The following HUNK variants were observed in gnomAD, a reference collection of about 807,000 sequenced individuals.
HUNK encodes hormonally up-regulated Neu-associated kinase, also known as hormonally up-regulated neu tumor-associated kinase.
In HUNK, 21 loss-of-function variants were observed where a neutral mutation model predicts 61.0. That is an observed-to-expected ratio of 0.34 (90% CI 0.24 to 0.50). HUNK has a LOEUF of 0.50. Among genes scored for constraint, HUNK ranks in the 20% least tolerant of loss-of-function variants. The pLI is 0.98. For synonymous variants in HUNK, 371 were observed against 386.1 expected, an observed-to-expected ratio of 0.96 and a Z score of 0.46; for missense variants, 772 against 945.7, an observed-to-expected ratio of 0.82 and a Z score of 2.41.
intron 1 of HUNK, among the ~76,000 whole-genome samples, chr21:31,896,314 A>C (rs2052424723): frequency 6.6e-6 from 1 of 152,182 alleles, no homozygotes; most frequent in Non-Finnish European, 1.5e-5. Context: ...TCATGCCGGG[A>C]AACTTCACCT....
chr21:31,877,838 C>G (rs1428512893), intron 1 of HUNK, among the ~76,000 whole-genome samples: 1 of 152,204 alleles, frequency 6.6e-6, no homozygotes, highest in Admixed American at 6.5e-5. Flanking sequence ...GGCGTGGTCT[C>G]TGGCACATAA....
intron 1 of HUNK, among the ~76,000 whole-genome samples, chr21:31,914,164 T>C (rs1282099821): frequency 6.6e-6 from 1 of 151,936 alleles, no homozygotes; most frequent in Non-Finnish European, 1.5e-5. Context: ...TCCCAGCACT[T>C]TGGGAGGCCA....
intron 1 of HUNK, among the ~76,000 whole-genome samples, chr21:31,875,952 G>A (rs528454486): frequency 1.3e-5 from 2 of 152,292 alleles, no homozygotes; most frequent in South Asian, 2.1e-4. Flanking sequence ...AACTGCCTGG[G>A]GGTGGATTCA....
At chr21:31,915,447 A>G (rs138826138) in intron 1 of HUNK, among the ~76,000 whole-genome samples, 98 of 152,332 alleles carry the variant, frequency 6.4e-4, no homozygotes, top group African/African-American at 2.3e-3. Context: ...ATGGTGTAAA[A>G]GTGCTTTGAT....
chr21:31,998,425 G>A lies in HUNK; in HGVS notation c.1487-101G>A, dbSNP rs192201846. 374 of 1,165,876 alleles carry A rather than the reference G, an allele frequency of 3.2e-4. 1 individual carries two copies. The highest frequency in any genetic ancestry group is 8.2e-4 in the Middle Eastern group (4 of 4,900). 72.2% of individuals were successfully genotyped at this position (1,165,876 alleles called of 1,614,324 possible). A position where few individuals can be genotyped will look rare whatever the true frequency, so the allele number is the denominator to read the frequency against. On this transcript the variant is annotated intron_variant, in intron 10 of 10. Coordinates refer to ENST00000270112, the MANE Select transcript of HUNK (RefSeq NM_014586.2). The stretch of plus-strand genomic sequence containing the variant: ...CCGGTTGGTTTCTTCTGACCTTGGC[G>A]GGAACTGTCTCAGTTAAGCTGGAGG...
chr21:31,904,340 C>T (rs2052490176), intron 1 of HUNK, among the ~76,000 whole-genome samples: 1 of 152,074 alleles, frequency 6.6e-6, no homozygotes, highest in South Asian at 2.1e-4. Flanking sequence ...GTTTCCTAAA[C>T]TTTATGCCTC....
chr21:31,899,171 C>T (rs899810982), intron 1 of HUNK, among the ~76,000 whole-genome samples: 5 of 152,070 alleles, frequency 3.3e-5, no homozygotes, highest in South Asian at 2.1e-4. Context: ...TCCCTTTTAA[C>T]GTTCTCTATT....
At chr21:31,997,593 T>C (rs764815933) in intron 10 of HUNK, among the ~76,000 whole-genome samples, 11 of 152,082 alleles carry the variant, frequency 7.2e-5, no homozygotes, top group Non-Finnish European at 1.2e-4. Context: ...AGAATGGGGA[T>C]GTATATGGGG....
chr21:31,885,464 C>T (rs909886345), intron 1 of HUNK, among the ~76,000 whole-genome samples: 4 of 152,148 alleles, frequency 2.6e-5, no homozygotes, highest in Non-Finnish European at 5.9e-5. Context: ...CTGCTTTGTC[C>T]CTCCTCACCA....
At chr21:31,951,516 A>G (rs2052849953) in intron 4 of HUNK, among the ~76,000 whole-genome samples, 1 of 152,144 alleles carries the variant, frequency 6.6e-6, no homozygotes, top group Non-Finnish European at 1.5e-5. Flanking sequence ...GTTGGACTAA[A>G]GCTGTCCTTT....
At chr21:31,908,837 G>A (rs1458843862) in intron 1 of HUNK, among the ~76,000 whole-genome samples, 1 of 152,140 alleles carries the variant, frequency 6.6e-6, no homozygotes, top group Non-Finnish European at 1.5e-5. Flanking sequence ...CTGGGGAATG[G>A]GAGTGTCTGA....
intron 7 of HUNK, among the ~76,000 whole-genome samples, chr21:31,982,678 C>A (rs1404451475): frequency 6.6e-6 from 1 of 152,174 alleles, no homozygotes; most frequent in Non-Finnish European, 1.5e-5. Flanking sequence ...AGCTTAGGTG[C>A]AGCTGTTTAT....
In HUNK at chr21:32,003,239, GCTTCCTGAAC is replaced by G. The variant is rs2053257666; in HGVS notation, c.*4059_*4068del. On this transcript the variant is annotated 3_prime_UTR_variant, in exon 11 of 11. Coordinates refer to ENST00000270112, the MANE Select transcript of HUNK (RefSeq NM_014586.2). ...TTTAAGTCCTTTTCAAAACTGTGCA[GCTTCCTGAAC>G]CTTATGCTGTTTGTCCCATCCACTC... 1 of 152,218 alleles carries G rather than the reference GCTTCCTGAAC, an allele frequency of 6.6e-6. No individual in the cohort carries two copies. The highest frequency in any genetic ancestry group is 2.4e-5 in the African/African-American group (1 of 41,460). The allele number at this position is 152,218 out of a possible 1,614,324, so 9.4% of individuals were successfully genotyped here.
intron 8 of HUNK, among the ~76,000 whole-genome samples, chr21:31,989,443 A>G (rs1276732621): frequency 6.6e-6 from 1 of 152,196 alleles, no homozygotes; most frequent in Non-Finnish European, 1.5e-5. Flanking sequence ...GGCCGGGCTC[A>G]GTGCTCATGC....
At chr21:31,946,005 C>G (rs777598067) in intron 3 of HUNK, 31 bp from the exon 4 acceptor site, 1 of 1,552,452 alleles carries the variant, frequency 6.4e-7, no homozygotes, top group Non-Finnish European at 8.8e-7. Flanking sequence ...TTTTCTAATT[C>G]GGAGCTTGTT....
At position 31,999,117 on chromosome 21, in the gene HUNK, C is replaced by T; in HGVS notation, c.2078C>T (p.Pro693Leu). Residue 693 changes from proline (P) to leucine (L), a missense_variant, in exon 11 of 11, where the codon CCA (proline) becomes CTA (leucine). Physicochemically the swap from Pro to Leu is moderately conservative, Grantham distance 98 (BLOSUM62 -3). Around this residue, in one of 2 missense-constraint regions of HUNK, gnomAD observed 413 missense variants for 444.4 expected, o/e 0.93. Transcript: ENST00000270112. Reference sequence around the variant, plus strand: ...AGGCCCCTGGAGGCCAGCCTGCCCCCACTGCAGCCCCTAGCCCCTGTGAAC... The same window carrying T: ...AGGCCCCTGGAGGCCAGCCTGCCCCTACTGCAGCCCCTAGCCCCTGTGAAC... ...ADRPLEASLP[P>L]LQPLAPVNLA... is the part of the protein sequence containing the mutation. The T allele has an allele frequency of 1.2e-6, 2 of 1,614,210 alleles. No individual in the cohort carries two copies. The highest frequency in any genetic ancestry group is 1.7e-6 in the Non-Finnish European group (2 of 1,180,020).
In HUNK at chr21:31,990,893, A is replaced by G. The variant is rs193033358; in HGVS notation, c.1305+717A>G. On this transcript the variant is annotated intron_variant, in intron 9 of 10. Coordinates refer to ENST00000270112, the MANE Select transcript of HUNK (RefSeq NM_014586.2). ...AACCATCTAGACTGGTGTTTGGCCA[A>G]ACAACTGGGTACCATGGCCTAGGCA... 3.5e-4 allele frequency among the ~76,000 whole-genome samples: 54 copies of G among 152,252 alleles called. No homozygotes were observed. In the East Asian group the frequency reaches 7.5e-3, roughly 21 times the overall value.
At chr21:31,912,957 C>T (rs1456083993) in intron 1 of HUNK, among the ~76,000 whole-genome samples, 1 of 152,196 alleles carries the variant, frequency 6.6e-6, no homozygotes, top group South Asian at 2.1e-4. Context: ...GGGCTGAAGT[C>T]GTGGGATTTC....
At chr21:31,892,213 T>A (rs1368433170) in intron 1 of HUNK, among the ~76,000 whole-genome samples, 45 of 138,900 alleles carry the variant, frequency 3.2e-4, no homozygotes, top group African/African-American at 6.2e-4. Flanking sequence ...AGAGAGAGTG[T>A]GTGTGTGTGT....
Sources: allele counts gnomAD v4.1 joint callset (sites outside exome capture counted in the v4.1 genomes callset), GRCh38; gene constraint gnomAD v4.1.1; regional missense constraint gnomAD v4.1.1; transcripts MANE v1.5; gene names NCBI Gene and HGNC (gene_info 2026-07-23, HGNC 2026-07-21).